ABHD2: variants seen among roughly 807,000 people sequenced by gnomAD.
ABHD2 encodes the protein monoacylglycerol lipase ABHD2.
In ABHD2, 20 loss-of-function variants were observed where a neutral mutation model predicts 48.1. The observed-to-expected ratio is 0.42, with a 90% CI of 0.29 to 0.60. ABHD2 has a LOEUF of 0.60. Among genes scored for constraint, ABHD2 ranks in the 20% least tolerant of loss-of-function variants. The pLI is 0.24. For missense variants in ABHD2, 405 were observed against 550.9 expected, an observed-to-expected ratio of 0.74 and a Z score of 2.65; for synonymous variants, 209 against 214.2, an observed-to-expected ratio of 0.98 and a Z score of 0.21.
the ABHD2 span, among the ~76,000 whole-genome samples, chr15:89,063,112 C>T: frequency 5.9e-4 from 89 of 151,896 alleles, no homozygotes; most frequent in South Asian, 1.2e-3. Flanking sequence ...GGACTACAGG[C>T]GCACGCCACC....
chr15:89,049,857 G>A, the ABHD2 span, among the ~76,000 whole-genome samples: 3 of 152,172 alleles, frequency 2.0e-5, no homozygotes, highest in African/African-American at 4.8e-5. Flanking sequence ...CTTTTGCATC[G>A]CTCATGCTGG....
chr15:89,054,628 C>T, the ABHD2 span, among the ~76,000 whole-genome samples: 14 of 151,594 alleles, frequency 9.2e-5, no homozygotes, highest in South Asian at 4.2e-4. Context: ...TGCAGTGAGC[C>T]GAGGTTGTGC....
At chr15:89,101,151 G>C (rs1022176594) in intron 1 of ABHD2, among the ~76,000 whole-genome samples, 1 of 152,094 alleles carries the variant, frequency 6.6e-6, no homozygotes, top group African/African-American at 2.4e-5. Flanking sequence ...CCAACATCCT[G>C]TTTTAGCTTT....
At chr15:89,075,650 G>A in the ABHD2 span, among the ~76,000 whole-genome samples, 1 of 152,172 alleles carries the variant, frequency 6.6e-6, no homozygotes, top group Non-Finnish European at 1.5e-5. The surrounding 1 kb of genome is among the most constrained non-coding windows in gnomAD (Gnocchi z 4.1). Context: ...AGCTATTCCT[G>A]GGTCTTCACA....
At chr15:89,068,752 C>CTT in the ABHD2 span, among the ~76,000 whole-genome samples, 2 of 85,174 alleles carry the variant, frequency 2.3e-5, no homozygotes, top group Admixed American at 1.5e-4. Context: ...GGCAAGCTTC[C>CTT]TCTTTTTTTT....
At chr15:89,129,223 A>C (rs2050181902) in intron 3 of ABHD2, among the ~76,000 whole-genome samples, 1 of 152,028 alleles carries the variant, frequency 6.6e-6, no homozygotes, top group African/African-American at 2.4e-5. Context: ...GGGCAGAGAG[A>C]GACACTAAAG....
chr15:89,044,531 G>C, the ABHD2 span, among the ~76,000 whole-genome samples: 1 of 151,874 alleles, frequency 6.6e-6, no homozygotes, highest in Admixed American at 6.6e-5. Flanking sequence ...CAGTGTAAAA[G>C]TGTTCCTATT....
At chr15:89,046,067 T>C in the ABHD2 span, among the ~76,000 whole-genome samples, 1 of 152,212 alleles carries the variant, frequency 6.6e-6, no homozygotes, top group African/African-American at 2.4e-5. Context: ...TTGAAATACG[T>C]CCCATCAGTA....
intron 1 of ABHD2, among the ~76,000 whole-genome samples, chr15:89,089,349 G>A (rs1901500062): frequency 1.3e-5 from 2 of 152,284 alleles, no homozygotes; most frequent in African/African-American, 2.4e-5. Flanking sequence ...TACTTCTGGG[G>A]GTCCATTAGG....
intron 3 of ABHD2, among the ~76,000 whole-genome samples, chr15:89,127,713 ATATATACACATATATATATATATATATG>A (rs1432829025): frequency 7.5e-4 from 64 of 85,896 alleles, no homozygotes; most frequent in African/African-American, 3.9e-3. Flanking sequence ...ATACATATAT[ATATATACACATATATATATATATATATG>A]TATATTTTAA....
At chr15:89,181,907 A>G (rs1265183480) in intron 6 of ABHD2, among the ~76,000 whole-genome samples, 1 of 152,220 alleles carries the variant, frequency 6.6e-6, no homozygotes, top group Non-Finnish European at 1.5e-5. Flanking sequence ...CTTCTGAGGG[A>G]TTAAAATCCA....
rs8042607 is a variant in ABHD2, at chr15:89,197,153, T to G, written c.*1730T>G. 0.38 allele frequency: 58,354 copies of G among 152,322 alleles called. 11,500 individuals are homozygous for G. The highest frequency in any genetic ancestry group is 0.41 in the Non-Finnish European group (28,016 of 67,922). The allele number at this position is 152,322 out of a possible 1,614,324, so 9.4% of individuals were successfully genotyped here. ...CTGTGACGGGACCCGTGGGCATGGGTCCAGGTCTGTAACCTGAAGAAGTTG... is the reference window on the plus strand; with the variant it reads ...CTGTGACGGGACCCGTGGGCATGGGGCCAGGTCTGTAACCTGAAGAAGTTG... On this transcript the variant is annotated 3_prime_UTR_variant, in exon 11 of 11. Transcript: ENST00000352732. The surrounding 1 kb of genome is among the most constrained non-coding windows in gnomAD (Gnocchi z 4.4).
intron 1 of ABHD2, among the ~76,000 whole-genome samples, chr15:89,103,013 T>C (rs987961290): frequency 6.6e-6 from 1 of 152,218 alleles, no homozygotes; most frequent in Non-Finnish European, 1.5e-5. Flanking sequence ...AGAGGAACAC[T>C]TGAGGGCATG....
the ABHD2 span, among the ~76,000 whole-genome samples, chr15:89,057,842 G>GA: frequency 6.6e-6 from 1 of 151,968 alleles, no homozygotes; most frequent in African/African-American, 2.4e-5. Context: ...TGAGGACTAA[G>GA]AAAACGAAGA....
chr15:89,168,498 T>C lies in ABHD2; in HGVS notation c.539-7314T>C, dbSNP rs971613816. ...CCTTCCAGAAGGCTGATCCTGGAGC[T>C]GGGCACCATGTCTTTGCCCTTCCCT... On this transcript the variant is annotated intron_variant, in intron 5 of 10. Transcript: ENST00000352732. This position sits in a 1 kb window ranked among gnomAD's most constrained non-coding sequence, Gnocchi z 4.8. Among the ~76,000 whole-genome samples the C allele has an allele frequency of 6.6e-6, 1 of 152,210 alleles. No individual in the cohort carries two copies. The highest frequency in any genetic ancestry group is 2.4e-5 in the African/African-American group (1 of 41,464).
intron 6 of ABHD2, among the ~76,000 whole-genome samples, chr15:89,178,803 G>A (rs1213468139): frequency 2.0e-5 from 3 of 152,138 alleles, no homozygotes; most frequent in Non-Finnish European, 4.4e-5. Flanking sequence ...TAGGTAACAG[G>A]GACACAGCCT....
the ABHD2 span, among the ~76,000 whole-genome samples, chr15:89,045,206 G>A: frequency 4.0e-5 from 6 of 151,836 alleles, no homozygotes; most frequent in African/African-American, 1.4e-4. Flanking sequence ...TCAAAGATCA[G>A]ATAGTTGTAG....
At chr15:89,156,667 G>T (rs1410515008) in intron 5 of ABHD2, among the ~76,000 whole-genome samples, 1 of 151,720 alleles carries the variant, frequency 6.6e-6, no homozygotes, top group Non-Finnish European at 1.5e-5. Flanking sequence ...GAACCCGGGA[G>T]GCAGAGGTCA....
At chr15:89,117,893 ATTC>A (rs985821367) in intron 3 of ABHD2, among the ~76,000 whole-genome samples, 36 of 152,312 alleles carry the variant, frequency 2.4e-4, no homozygotes, top group Middle Eastern at 3.4e-3. Flanking sequence ...CATGGGCGGT[ATTC>A]TTATGCAGTT....
Sources: gnomAD v4.1 joint callset for allele counts (sites outside exome capture counted in the v4.1 genomes callset) on GRCh38, gnomAD v4.1.1 for gene constraint, Gnocchi (gnomAD v3.1) non-coding constraint, MANE v1.5 for transcripts, NCBI Gene and HGNC (gene_info 2026-07-23, HGNC 2026-07-21) for gene names.